The following ADGRV1 variants were observed in gnomAD, a reference collection of about 807,000 sequenced individuals.
ADGRV1 encodes the protein G-protein coupled receptor 98.
In ADGRV1, 359 loss-of-function variants were observed where a neutral mutation model predicts 596.2. That is an observed-to-expected ratio of 0.60 (90% CI 0.55 to 0.66). ADGRV1 has a LOEUF of 0.66. ADGRV1 is among the 30% of genes least tolerant of loss of function. The pLI, the probability that ADGRV1 is intolerant of heterozygous loss-of-function variation, is 0.00. For synonymous variants in ADGRV1, 2,681 were observed against 2,679.2 expected, an observed-to-expected ratio of 1.00 and a Z score of -0.02; for missense variants, 7,274 against 7,575.6, an observed-to-expected ratio of 0.96 and a Z score of 1.48.
intron 74 of ADGRV1, among the ~76,000 whole-genome samples, chr5:90,813,307 G>A (rs929385396): frequency 1.3e-4 from 20 of 152,034 alleles, no homozygotes; most frequent in African/African-American, 4.8e-4. Flanking sequence ...AATGGCTTCT[G>A]GAGGTTCTTT....
At chr5:90,791,557 G>T (rs145876493) in intron 70 of ADGRV1, 43 of 536,736 alleles carry the variant, frequency 8.0e-5, no homozygotes, top group Admixed American at 5.3e-4. Flanking sequence ...AGATTTTTGT[G>T]TAGAAAGTAA....
chr5:90,591,524 G>A (rs978342721), intron 1 of ADGRV1, among the ~76,000 whole-genome samples: 2 of 151,988 alleles, frequency 1.3e-5, no homozygotes, highest in Non-Finnish European at 2.9e-5. Context: ...TTAAATTGTA[G>A]GGGGGTTAAG....
intron 42 of ADGRV1, among the ~76,000 whole-genome samples, chr5:90,715,647 C>T (rs1054171299): frequency 1.0e-5 from 1 of 99,112 alleles, no homozygotes; most frequent in Non-Finnish European, 1.9e-5. Flanking sequence ...TGAATAAGGT[C>T]TACTTTTCTT....
intron 69 of ADGRV1, 33 bp from the exon 70 acceptor site, chr5:90,790,840 A>T: frequency 7.1e-7 from 1 of 1,418,260 alleles, no homozygotes; most frequent in Non-Finnish European, 9.7e-7. Flanking sequence ...ACTGAATTAT[A>T]TAACTTTGTT....
At chr5:90,915,279 A>G (rs1402540400) in intron 83 of ADGRV1, among the ~76,000 whole-genome samples, 1 of 152,240 alleles carries the variant, frequency 6.6e-6, no homozygotes, top group East Asian at 1.9e-4. Flanking sequence ...ATTTTAAAAC[A>G]GCAAGTAAAG....
rs767731721 is a variant in ADGRV1, at chr5:90,811,133, A to G, written c.15873A>G (p.Glu5291=). The change falls in exon 74 of 90, where the codon GAA becomes GAG. Residue 5291 remains glutamate, a synonymous_variant. Coordinates refer to ENST00000405460, the MANE Select transcript of ADGRV1 (RefSeq NM_032119.4). Reference sequence around the variant, plus strand: ...CCAACCTAACATGGGCAGTTGAAGAAGAAGACTTTGAAGAACAAACTCTTA... The same window carrying G: ...CCAACCTAACATGGGCAGTTGAAGAGGAAGACTTTGAAGAACAAACTCTTA... ...GISNLTWAVE[E]EDFEEQTLTL... is the part of the protein sequence containing the mutation. 1.9e-6 allele frequency: 3 copies of G among 1,613,922 alleles called. No individual in the cohort carries two copies. In the South Asian group the frequency reaches 3.3e-5, roughly 18 times the overall value.
At chr5:91,055,770 CTA>C (rs1183363333) in intron 85 of ADGRV1, among the ~76,000 whole-genome samples, 3 of 152,194 alleles carry the variant, frequency 2.0e-5, no homozygotes, top group Non-Finnish European at 4.4e-5. Context: ...AGTCTCTGTT[CTA>C]TGTGACAACA....
At chr5:90,723,870 C>T (rs1376444807) in intron 45 of ADGRV1, among the ~76,000 whole-genome samples, 1 of 151,956 alleles carries the variant, frequency 6.6e-6, no homozygotes, top group African/African-American at 2.4e-5. Flanking sequence ...AGAGACTATA[C>T]ATTTTTTAAA....
chr5:90,751,660 T>C (rs1033051457), intron 53 of ADGRV1, among the ~76,000 whole-genome samples: 2 of 152,264 alleles, frequency 1.3e-5, no homozygotes, highest in South Asian at 4.1e-4. Context: ...TTTCATAGAT[T>C]AGTCTGTGTA....
At chr5:90,741,586 T>A (rs963996147) in intron 50 of ADGRV1, among the ~76,000 whole-genome samples, 5 of 152,212 alleles carry the variant, frequency 3.3e-5, no homozygotes, top group Non-Finnish European at 7.3e-5. Flanking sequence ...TGATGAGTGC[T>A]GCCTGAAGGG....
chr5:90,950,447 G>A (rs958131056), intron 83 of ADGRV1, among the ~76,000 whole-genome samples: 4 of 151,956 alleles, frequency 2.6e-5, no homozygotes, highest in African/African-American at 9.7e-5. Flanking sequence ...TCAGCCTCCC[G>A]AGTAGCTGGG....
At chr5:90,742,931 T>A (rs1754142464) in intron 50 of ADGRV1, among the ~76,000 whole-genome samples, 1 of 152,186 alleles carries the variant, frequency 6.6e-6, no homozygotes, top group African/African-American at 2.4e-5. Flanking sequence ...TGGTGATTGC[T>A]TGGGAGAGGA....
intron 22 of ADGRV1, among the ~76,000 whole-genome samples, chr5:90,673,604 G>T (rs2149543060): frequency 6.6e-6 from 1 of 152,126 alleles, no homozygotes; most frequent in South Asian, 2.1e-4. Flanking sequence ...TCTGGTGAGG[G>T]CTTACTCTGC....
chr5:90,662,974 G>A (rs1770633382), intron 21 of ADGRV1, among the ~76,000 whole-genome samples: 4 of 149,982 alleles, frequency 2.7e-5, no homozygotes, highest in South Asian at 4.3e-4. Flanking sequence ...GTATTCCATG[G>A]TGTATATGTG....
At position 90,635,159 on chromosome 5, in the gene ADGRV1, A is replaced by G. The variant is rs1184995236; in HGVS notation, c.1885A>G (p.Ile629Val). ...LLNIIPLIPP[I>V]SPRFGEICNI... ...AAACATAATTCCTCTAATCCCACCC[A>G]TAAGCCCTAGATTTGGGGAAATCTG... is the stretch of plus-strand genomic sequence containing the variant. The change falls in exon 10 of 90, where the codon ATA (isoleucine) becomes GTA (valine). Residue 629 changes from isoleucine to valine, a missense_variant. By Grantham distance (29) the Ile-to-Val change is conservative. Transcript: ENST00000405460. The G allele has an allele frequency of 6.2e-7, 1 of 1,610,250 alleles. No individual in the cohort carries two copies. Among genetic ancestry groups the G allele is most frequent in the Non-Finnish European group, 8.5e-7 (1 of 1,176,626 alleles).
chr5:90,706,458 T>A lies in ADGRV1; in HGVS notation c.8730+64T>A, dbSNP rs572997748. On this transcript the variant is annotated intron_variant, in intron 38 of 89. Transcript: ENST00000405460. ...GTTTAATAAGTTTTTTTTATTATAC[T>A]TTAAGTTTTAGTGTACAAGTGCACA... The A allele has an allele frequency of 7.2e-5, 100 of 1,379,416 alleles. No homozygotes were observed. In the South Asian group the frequency reaches 1.5e-3, roughly 20 times the overall value. 85.4% of individuals were successfully genotyped at this position (1,379,416 alleles called of 1,614,324 possible). A position where few individuals can be genotyped will look rare whatever the true frequency, so the allele number is the denominator to read the frequency against.
chr5:90,595,794 C>G (rs1357885625), intron 1 of ADGRV1, among the ~76,000 whole-genome samples: 1 of 143,510 alleles, frequency 7.0e-6, no homozygotes, highest in Non-Finnish European at 1.5e-5. Flanking sequence ...GGAGGCTGAC[C>G]CCCCCACCTC....
chr5:90,765,419 A>T (rs939844395), intron 59 of ADGRV1, among the ~76,000 whole-genome samples: 4 of 147,238 alleles, frequency 2.7e-5, no homozygotes, highest in Non-Finnish European at 5.9e-5. Context: ...ATGGGGGGAA[A>T]AATCACAGAC....
At chr5:90,681,866 C>T (rs1744992326) in intron 27 of ADGRV1, among the ~76,000 whole-genome samples, 1 of 142,280 alleles carries the variant, frequency 7.0e-6, no homozygotes. Flanking sequence ...TCCTTCCTTC[C>T]TTTCTTTCTT....
Sources: gnomAD v4.1 joint callset for allele counts (sites outside exome capture counted in the v4.1 genomes callset) on GRCh38, gnomAD v4.1.1 for gene constraint, MANE v1.5 for transcripts, NCBI Gene and HGNC (gene_info 2026-07-23, HGNC 2026-07-21) for gene names.